NCAM1: variants seen among roughly 807,000 people sequenced by gnomAD.
NCAM1 encodes antigen recognized by monoclonal antibody 5.1H11.
A neutral mutation model predicts 109.8 loss-of-function variants in NCAM1; 14 were observed. That is an observed-to-expected ratio of 0.13 (90% CI 0.08 to 0.20). The LOEUF is 0.20. Ranked by LOEUF, NCAM1 falls within the 10% of genes least tolerant of loss-of-function variation. The pLI, the probability that NCAM1 is intolerant of heterozygous loss-of-function variation, is 1.00. For synonymous variants in NCAM1, 418 were observed against 442.9 expected (o/e 0.94, Z 0.70); for missense variants, 774 against 1,109.9 (o/e 0.70, Z 4.30).
intron 16 of NCAM1, among the ~76,000 whole-genome samples, chr11:113,259,283 C>G (rs1945917285): frequency 6.6e-6 from 1 of 151,798 alleles, no homozygotes; most frequent in Admixed American, 6.6e-5. Context: ...GATCTCCTGA[C>G]CTCGTGATCC....
intron 1 of NCAM1, among the ~76,000 whole-genome samples, chr11:113,009,400 C>T (rs1368994028): frequency 1.4e-5 from 2 of 142,666 alleles, no homozygotes; most frequent in East Asian, 4.5e-4. Context: ...TCATGGCTCA[C>T]TGCAGCCTCA....
At chr11:112,964,221 G>C (rs1379928966) in intron 1 of NCAM1, among the ~76,000 whole-genome samples, 1 of 140,036 alleles carries the variant, frequency 7.1e-6, no homozygotes, top group African/African-American at 2.7e-5. Context: ...TGCTCGGCTG[G>C]GTGCATATGA....
chr11:113,162,025 G>A (rs1180357393), intron 1 of NCAM1, among the ~76,000 whole-genome samples: 1 of 152,142 alleles, frequency 6.6e-6, no homozygotes, highest in Non-Finnish European at 1.5e-5. Context: ...AGAATTCAAG[G>A]GTGTTATGCT....
In NCAM1 at chr11:113,196,518, G is replaced by A. The variant is rs1943860112; in HGVS notation, c.53-5861G>A. On this transcript the variant is annotated intron_variant, in intron 1 of 19. Transcript: ENST00000316851. ...ATTTCTTTGGGAAGCGTTGTTACTA[G>A]AGGTTAATTAAGAATAATAATGCAC... 2.0e-5 allele frequency among the ~76,000 whole-genome samples: 3 copies of A among 152,340 alleles called. No individual in the cohort carries two copies. The South Asian group carries it at 6.2e-4, about 32-fold the overall frequency.
chr11:113,231,131 A>T, intron 9 of NCAM1: 4 of 1,416,016 alleles, frequency 2.8e-6, no homozygotes, highest in African/African-American at 1.4e-5. Context: ...GGAAAGAGGC[A>T]TCTGCAGAAA....
chr11:113,204,556 A>AGG, intron 3 of NCAM1, 52 bp downstream of exon 3: 2 of 1,554,570 alleles, frequency 1.3e-6, no homozygotes, highest in Non-Finnish European at 1.8e-6. Context: ...TGCCAAGGAG[A>AGG]CATGTGGGTA....
chr11:113,181,695 AAAG>A (rs147637055), intron 1 of NCAM1, among the ~76,000 whole-genome samples: 9,435 of 152,098 alleles, frequency 0.062, 890 homozygotes, highest in African/African-American at 0.2. Context: ...TTAAGAAAAA[AAAG>A]AGGGGGTGGT....
chr11:112,967,021 A>G (rs1250691432), intron 1 of NCAM1, among the ~76,000 whole-genome samples: 1 of 152,238 alleles, frequency 6.6e-6, no homozygotes, highest in African/African-American at 2.4e-5. Context: ...TCTTCCATAT[A>G]TACGTAACAC....
At chr11:113,202,344 T>TTTTTG (rs5794855) in intron 1 of NCAM1, 35 bp from the exon 2 acceptor site, 290,401 of 1,521,288 alleles carry the variant, frequency 0.19, 30,053 homozygotes, top group African/African-American at 0.36. Flanking sequence ...TTTTTTTTGT[T>TTTTTG]TTTTGTTTTG....
At chr11:113,028,537 G>A (rs919543337) in intron 1 of NCAM1, among the ~76,000 whole-genome samples, 4 of 152,014 alleles carry the variant, frequency 2.6e-5, no homozygotes, top group Non-Finnish European at 5.9e-5. Flanking sequence ...AAGTTGTCTC[G>A]AGATGGAAAA....
At chr11:113,062,148 T>C (rs537837009) in intron 1 of NCAM1, among the ~76,000 whole-genome samples, 76 of 152,292 alleles carry the variant, frequency 5.0e-4, no homozygotes, top group African/African-American at 1.7e-3. Flanking sequence ...ACTAGCGATG[T>C]TTAGTAAATT....
chr11:113,122,700 C>G (rs1941018609), intron 1 of NCAM1, among the ~76,000 whole-genome samples: 1 of 152,124 alleles, frequency 6.6e-6, no homozygotes, highest in Admixed American at 6.5e-5. Context: ...AAGGGAATTG[C>G]TTGGACCCAG....
intron 1 of NCAM1, among the ~76,000 whole-genome samples, chr11:113,011,589 A>G (rs2135124667): frequency 6.6e-6 from 1 of 152,282 alleles, no homozygotes; most frequent in Admixed American, 6.5e-5. Flanking sequence ...ACAGTGTAAA[A>G]GCGTTCCTAT....
Position 113,277,994 on chromosome 11 carries a change from CCA to C in NCAM1, c.*2608_*2609del, listed in dbSNP as rs1331314079. ...TTAATTTTTGAAGGAGGGATCAACT[CCA>C]GTTTCCAATGTCTATGTGTCTATGT... is the stretch of plus-strand genomic sequence containing the variant. On this transcript the variant is annotated 3_prime_UTR_variant, in exon 20 of 20. Transcript: ENST00000316851. The C allele has an allele frequency of 6.6e-6, 1 of 151,920 alleles. No individual in the cohort carries two copies. Among genetic ancestry groups the C allele is most frequent in the Non-Finnish European group, 1.5e-5 (1 of 68,022 alleles). 9.4% of individuals were successfully genotyped at this position (151,920 alleles called of 1,614,324 possible).
intron 1 of NCAM1, among the ~76,000 whole-genome samples, chr11:113,109,570 A>G (rs782314346): frequency 7.9e-5 from 12 of 152,196 alleles, no homozygotes; most frequent in Non-Finnish European, 1.5e-4. Context: ...TATCTAAGCT[A>G]GGCACTGGGG....
chr11:113,136,243 A>G (rs563463220), intron 1 of NCAM1, among the ~76,000 whole-genome samples: 28 of 152,366 alleles, frequency 1.8e-4, no homozygotes, highest in Middle Eastern at 3.4e-3. Context: ...TCGGAAGTCC[A>G]TCACTGCAAA....
intron 15 of NCAM1, among the ~76,000 whole-genome samples, chr11:113,254,560 C>T (rs1053084974): frequency 2.0e-5 from 3 of 152,292 alleles, no homozygotes; most frequent in Admixed American, 6.5e-5. Flanking sequence ...GGTTCCTCCT[C>T]GTATCAAAGG....
At chr11:113,064,523 ATTAT>A (rs1937855659) in intron 1 of NCAM1, among the ~76,000 whole-genome samples, 2 of 152,062 alleles carry the variant, frequency 1.3e-5, no homozygotes, top group East Asian at 1.9e-4. Flanking sequence ...TATTTTTTTT[ATTAT>A]TTATTAAATG....
At chr11:113,083,626 C>T (rs1719057916) in intron 1 of NCAM1, among the ~76,000 whole-genome samples, 1 of 152,182 alleles carries the variant, frequency 6.6e-6, no homozygotes, top group East Asian at 1.9e-4. Context: ...GTATGTTTGG[C>T]ATGATTTTGC....
Sources: allele counts gnomAD v4.1 joint callset (sites outside exome capture counted in the v4.1 genomes callset), GRCh38; gene constraint gnomAD v4.1.1; transcripts MANE v1.5; gene names NCBI Gene and HGNC (gene_info 2026-07-23, HGNC 2026-07-21).